The following ABCB6 variants were observed in gnomAD, a reference collection of about 807,000 sequenced individuals.
ABCB6 encodes the protein ATP binding cassette subfamily B member 6 (LAN blood group), also known as ATP-binding cassette sub-family B member 6.
A neutral mutation model predicts 99.4 loss-of-function variants in ABCB6; 87 were observed. The observed-to-expected ratio is 0.88, with a 90% CI of 0.74 to 1.05. ABCB6 has a LOEUF of 1.05. ABCB6 is among the 50% of genes least tolerant of loss of function. The probability of loss-of-function intolerance (pLI) is 0.00; values close to 1 mark genes in which losing one functional copy is unlikely to be tolerated. For missense variants in ABCB6, 1,050 were observed against 1,097.9 expected (o/e 0.96, Z 0.62); for synonymous variants, 482 against 447.5 (o/e 1.08, Z -0.97).
intron 5 of ABCB6, chr2:219,215,790 AAGT>A (rs1227831364): frequency 1.7e-5 from 8 of 476,684 alleles, no homozygotes; most frequent in Non-Finnish European, 2.8e-5. Context: ...AGCTCTGAAA[AAGT>A]AAGTGCAGCT....
rs1950637757 is a variant in ABCB6, at chr2:219,216,093, A to G, written c.1058T>C (p.Leu353Pro). The change falls in exon 5 of 19, where the codon CTG (leucine) becomes CCG (proline). Residue 353 changes from leucine to proline, a missense_variant. Coordinates refer to ENST00000265316, the MANE Select transcript of ABCB6 (RefSeq NM_005689.4). This position sits in a 1 kb window ranked among gnomAD's most constrained non-coding sequence, Gnocchi z 4.2. ...RRVELLIFSH[L>P]HELSLRWHLG... is the part of the protein sequence containing the mutation. ...GTGCCAGCGCAGTGAGAGCTCGTGCAGGTGGGAGAAGATGAGCAGCTCCAC... is the reference window on the plus strand; with the variant it reads ...GTGCCAGCGCAGTGAGAGCTCGTGCGGGTGGGAGAAGATGAGCAGCTCCAC... 3.2e-6 allele frequency: 5 copies of G among 1,587,264 alleles called. No homozygotes were observed. The highest frequency in any genetic ancestry group is 1.3e-5 in the African/African-American group (1 of 74,440).
chr2:219,218,296 G>GGCACGGCCACAGGCCACAGGC lies in ABCB6; in HGVS notation c.377_378insGCCTGTGGCCTGTGGCCGTGC (p.Val126_Val127insProValAlaCysGlyArgAla), dbSNP rs1950672705. 2 of 1,612,310 alleles carry GGCACGGCCACAGGCCACAGGC rather than the reference G, an allele frequency of 1.2e-6. No individual in the cohort carries two copies. The highest frequency in any genetic ancestry group is 2.2e-5 in the South Asian group (2 of 91,080). ...GCTGCCGTGCCTGGCTCCGCTCCACGACAAGCAGCCACAGGCCACAGGCGC... is the reference window on the plus strand; with the variant it reads ...GCTGCCGTGCCTGGCTCCGCTCCACGGCACGGCCACAGGCCACAGGCACAAGCAGCCACAGGCCACAGGCGC... On this transcript the variant is annotated inframe_insertion, in exon 1 of 19. Coordinates refer to ENST00000265316, the MANE Select transcript of ABCB6 (RefSeq NM_005689.4).
chr2:219,214,431 A>G lies in ABCB6; in HGVS notation c.1344T>C (p.Ala448=), dbSNP rs1356280062. ...GAGAGTCCACTGCTCGTGCCCGGGTAGCGTTCTCCTGTGTGTTCATAGCAC... is the reference window on the plus strand; with the variant it reads ...GAGAGTCCACTGCTCGTGCCCGGGTGGCGTTCTCCTGTGTGTTCATAGCAC... The part of the protein sequence containing the change: ...FRRAMNTQEN[A]TRARAVDSLL... The change falls in exon 7 of 19, where the codon GCT becomes GCC. Residue 448 remains alanine (A), a synonymous_variant. Coordinates refer to ENST00000265316, the MANE Select transcript of ABCB6 (RefSeq NM_005689.4). 2 of 1,614,182 alleles carry G rather than the reference A, an allele frequency of 1.2e-6. No homozygotes were observed. The highest frequency in any genetic ancestry group is 1.6e-4 in the Middle Eastern group (1 of 6,062).
chr2:219,210,238 C>T lies in ABCB6; in HGVS notation c.2412G>A (p.Glu804=), dbSNP rs765706767. Residue 804 remains glutamate (E), a synonymous_variant, in exon 18 of 19, where the codon GAG becomes GAA. Transcript: ENST00000265316. ...ATCTATGTGTCTCTTACCGTCCCCT[C>T]TCCACGATGCAGCCATCCTTGATGA... ...ILVIKDGCIV[E]RGRHEALLSR... is the part of the protein sequence containing the mutation. 1.9e-6 allele frequency: 3 copies of T among 1,614,212 alleles called. No individual in the cohort carries two copies. Among genetic ancestry groups the T allele is most frequent in the South Asian group, 1.1e-5 (1 of 91,082 alleles).
chr2:219,210,255 C>G lies in ABCB6; in HGVS notation c.2395G>C (p.Asp799His). 1.2e-6 allele frequency: 2 copies of G among 1,614,218 alleles called. No individual in the cohort carries two copies. The highest frequency in any genetic ancestry group is 1.7e-6 in the Non-Finnish European group (2 of 1,180,046). Residue 799 changes from aspartate (D) to histidine (H), a missense_variant, in exon 18 of 19, where the codon GAT becomes CAT. Transcript: ENST00000265316. The stretch of plus-strand genomic sequence containing the variant: ...CGTCCCCTCTCCACGATGCAGCCAT[C>G]CTTGATGACGAGGATCTGGTCAGCA... ...VNADQILVIKDGCIVERGRHE... is the reference protein window; with the variant it reads ...VNADQILVIKHGCIVERGRHE...
intron 14 of ABCB6, 47 bp from the exon 15 acceptor site, chr2:219,211,155 G>T (rs1559235054): frequency 6.2e-7 from 1 of 1,601,358 alleles, no homozygotes; most frequent in Admixed American, 1.7e-5. Flanking sequence ...TACCCCCAAG[G>T]CCTGGGAGGC....
intron 5 of ABCB6, chr2:219,215,389 C>T: frequency 9.5e-6 from 3 of 314,946 alleles, no homozygotes; most frequent in Admixed American, 9.3e-5. Context: ...GGAAAAACCT[C>T]CACAATGCCA....
intron 13 of ABCB6, 111 bp downstream of exon 13, chr2:219,212,897 T>G (rs1950595896): frequency 8.3e-7 from 1 of 1,208,364 alleles, no homozygotes; most frequent in Non-Finnish European, 1.2e-6. Flanking sequence ...TCAATCCGGT[T>G]GCCTATCGTG....
chr2:219,214,548 A>G, intron 6 of ABCB6, 50 bp from the exon 7 acceptor site: 1 of 1,375,206 alleles, frequency 7.3e-7, no homozygotes. Flanking sequence ...CCCCAAAAGC[A>G]GAGACCAAAT....
At chr2:219,215,368 C>T in intron 5 of ABCB6, 1 of 342,602 alleles carries the variant, frequency 2.9e-6, no homozygotes, top group Non-Finnish European at 5.4e-6. Context: ...GTCACAATAC[C>T]ATTTGTTTTA....
chr2:219,212,285 G>C (rs1174476019), intron 14 of ABCB6, 102 bp downstream of exon 14: 2 of 971,130 alleles, frequency 2.1e-6, no homozygotes, highest in Non-Finnish European at 3.2e-6. Flanking sequence ...AATGGCCCTA[G>C]TTTTTTTGCA....
Position 219,211,070 on chromosome 2 carries a change from C to T in ABCB6, c.2007G>A (p.Val669=). ...CATTAAAGAGGACAGTGTCTTGGGGCACAACTCCAATGTGAGACCGGAGAG... is the reference window on the plus strand; with the variant it reads ...CATTAAAGAGGACAGTGTCTTGGGGTACAACTCCAATGTGAGACCGGAGAG... The part of the protein sequence containing the change: ...QASLRSHIGV[V]PQDTVLFNDT... The change falls in exon 15 of 19, where the codon GTG becomes GTA. Residue 669 remains valine (V), a synonymous_variant. Transcript: ENST00000265316. 6.2e-7 allele frequency: 1 copy of T among 1,614,154 alleles called. No individual in the cohort carries two copies. Among genetic ancestry groups the T allele is most frequent in the South Asian group, 1.1e-5 (1 of 91,084 alleles).
intron 2 of ABCB6, among the ~76,000 whole-genome samples, 197 bp from the exon 3 acceptor site, chr2:219,217,029 T>G (rs941515916): frequency 2.0e-5 from 3 of 152,148 alleles, no homozygotes; most frequent in African/African-American, 7.2e-5. Flanking sequence ...GAAGGAATGA[T>G]GACAGGGAAT....
Position 219,213,339 on chromosome 2 carries a change from C to T in ABCB6, c.1720-13G>A. On this transcript the variant is annotated splice_polypyrimidine_tract_variant and intron_variant, in intron 11 of 18. Transcript: ENST00000265316. ...GAAGGTCCTTCACCTGGAAGGGCAC[C>T]ACCCATGTGTGCTGAGGTTCTCAGC... 6.2e-7 allele frequency: 1 copy of T among 1,613,992 alleles called. No individual in the cohort carries two copies. The highest frequency in any genetic ancestry group is 8.5e-7 in the Non-Finnish European group (1 of 1,179,966).
chr2:219,218,789 C>G lies in ABCB6; in HGVS notation c.-116G>C, dbSNP rs1950684120. 1.7e-6 allele frequency: 2 copies of G among 1,211,580 alleles called. No individual in the cohort carries two copies. The highest frequency in any genetic ancestry group is 1.1e-6 in the Non-Finnish European group (1 of 899,904). 75.1% of individuals were successfully genotyped at this position (1,211,580 alleles called of 1,614,324 possible). ...CCTTGGCTCACGTAGCCGCTGGGCGCCAAGCTGCGGGGGTCCCGGGAAGGG... is the reference window on the plus strand; with the variant it reads ...CCTTGGCTCACGTAGCCGCTGGGCGGCAAGCTGCGGGGGTCCCGGGAAGGG... On this transcript the variant is annotated 5_prime_UTR_variant, in exon 1 of 19. Coordinates refer to ENST00000265316, the MANE Select transcript of ABCB6 (RefSeq NM_005689.4).
Position 219,212,439 on chromosome 2 carries a change from A to G in ABCB6, c.1916T>C (p.Phe639Ser). 1.9e-6 allele frequency: 3 copies of G among 1,614,190 alleles called. No homozygotes were observed. Among genetic ancestry groups the G allele is most frequent in the Non-Finnish European group, 2.5e-6 (3 of 1,180,034 alleles). ...KSTILRLLFR[F>S]YDISSGCIRI... ...GATGCAGCCAGAGCTGATGTCGTAG[A>G]AGCGAAACAGCAGGCGCAAAATTGT... Residue 639 changes from phenylalanine (F) to serine (S), a missense_variant, in exon 14 of 19, where the codon TTC becomes TCC. Phe to Ser is a radical substitution (Grantham distance 155). Transcript: ENST00000265316.
At position 219,212,356 on chromosome 2, in the gene ABCB6, T is replaced by C. The variant is rs761916777; in HGVS notation, c.1968+31A>G. On this transcript the variant is annotated intron_variant, in intron 14 of 18. Transcript: ENST00000265316. Reference sequence around the variant, plus strand: ...TATCATTCCTCCACACGTAGACCCCTAAACCACCGTCTTCTCCAGAGCAAC... The same window carrying C: ...TATCATTCCTCCACACGTAGACCCCCAAACCACCGTCTTCTCCAGAGCAAC... 1.3e-5 allele frequency: 21 copies of C among 1,598,270 alleles called. 1 individual carries two copies. The South Asian group carries it at 2.2e-4, about 17-fold the overall frequency.
intron 18 of ABCB6, 91 bp from the exon 19 acceptor site, chr2:219,210,137 G>A: frequency 6.3e-7 from 1 of 1,596,324 alleles, no homozygotes; most frequent in Non-Finnish European, 8.6e-7. Context: ...GATGGGAAGG[G>A]AGGTCCCCTC....
At position 219,216,473 on chromosome 2, in the gene ABCB6, G is replaced by T. The variant is rs764321447; in HGVS notation, c.869-8C>A. ...TCTCAGTCAGCAAGTTCACTGTGGAGGAAACGAGTCAGAACCCACTTATGG... is the reference window on the plus strand; with the variant it reads ...TCTCAGTCAGCAAGTTCACTGTGGATGAAACGAGTCAGAACCCACTTATGG... On this transcript the variant is annotated splice_polypyrimidine_tract_variant and splice_region_variant and intron_variant, in intron 3 of 18. Transcript: ENST00000265316. This position sits in a 1 kb window ranked among gnomAD's most constrained non-coding sequence, Gnocchi z 4.2. The T allele has an allele frequency of 3.1e-6, 5 of 1,613,544 alleles. No homozygotes were observed. Among genetic ancestry groups the T allele is most frequent in the Non-Finnish European group, 4.2e-6 (5 of 1,179,588 alleles).
Sources: allele counts gnomAD v4.1 joint callset (sites outside exome capture counted in the v4.1 genomes callset), GRCh38; gene constraint gnomAD v4.1.1; non-coding constraint Gnocchi (gnomAD v3.1); transcripts MANE v1.5; gene names NCBI Gene and HGNC (gene_info 2026-07-23, HGNC 2026-07-21).